SUPT3H: variants seen among roughly 807,000 people sequenced by gnomAD.
SUPT3H encodes the protein transcription initiation protein SPT3 homolog.
SUPT3H carries 44 observed loss-of-function variants against 44.3 expected under a neutral mutation model. The observed-to-expected ratio is 0.99, with a 90% CI of 0.78 to 1.28. The LOEUF (loss-of-function observed/expected upper bound fraction) is 1.28, where lower values mean the gene tolerates loss of function less well. SUPT3H is among the 50% of genes most tolerant of loss of function. The pLI is 0.00. For synonymous variants in SUPT3H, 124 were observed against 125.6 expected (o/e 0.99, Z 0.09); for missense variants, 380 against 387.1 (o/e 0.98, Z 0.15).
chr6:45,044,609 G>A (rs1023089), intron 3 of SUPT3H, among the ~76,000 whole-genome samples: 52,585 of 152,022 alleles, frequency 0.35, 10,123 homozygotes, highest in Non-Finnish European at 0.43. Context: ...TTTAATTATG[G>A]TAAAACAAAT....
intron 10 of SUPT3H, among the ~76,000 whole-genome samples, chr6:44,836,592 G>T (rs1401705556): frequency 6.6e-6 from 1 of 151,844 alleles, no homozygotes; most frequent in Non-Finnish European, 1.5e-5. Flanking sequence ...TACTAACATT[G>T]GACTTTTATA....
intron 10 of SUPT3H, among the ~76,000 whole-genome samples, chr6:44,914,660 A>G (rs1767547191): frequency 6.6e-6 from 1 of 152,222 alleles, no homozygotes; most frequent in Non-Finnish European, 1.5e-5. Flanking sequence ...TGAGGGGCCT[A>G]AAACTGATTA....
At chr6:45,077,140 C>G (rs982184616) in intron 3 of SUPT3H, among the ~76,000 whole-genome samples, 6 of 152,148 alleles carry the variant, frequency 3.9e-5, no homozygotes, top group African/African-American at 1.4e-4. Context: ...GAAGCTTTCC[C>G]TCATTCTTTT....
At chr6:45,240,302 T>C (rs985030727) in intron 2 of SUPT3H, among the ~76,000 whole-genome samples, 4 of 152,202 alleles carry the variant, frequency 2.6e-5, no homozygotes, top group African/African-American at 9.7e-5. Flanking sequence ...ACGAGTAATT[T>C]AATGATAGCT....
intron 6 of SUPT3H, among the ~76,000 whole-genome samples, chr6:44,999,012 T>C (rs954196616): frequency 7.0e-6 from 1 of 143,020 alleles, no homozygotes; most frequent in Non-Finnish European, 1.6e-5. Context: ...GGTTCATTAG[T>C]TGCCTCTGTG....
chr6:44,970,473 A>G (rs568918986), intron 6 of SUPT3H, among the ~76,000 whole-genome samples: 2 of 152,294 alleles, frequency 1.3e-5, no homozygotes, highest in East Asian at 3.9e-4. Context: ...CGGTTGGCAA[A>G]TAACATAAAA....
chr6:45,096,331 T>C (rs180905028), intron 3 of SUPT3H, among the ~76,000 whole-genome samples: 18 of 152,312 alleles, frequency 1.2e-4, no homozygotes, highest in Non-Finnish European at 5.9e-5. Flanking sequence ...GACTTTATTG[T>C]TCTAATCTGT....
At chr6:45,053,152 G>T (rs1218109539) in intron 3 of SUPT3H, among the ~76,000 whole-genome samples, 1 of 151,924 alleles carries the variant, frequency 6.6e-6, no homozygotes, top group African/African-American at 2.4e-5. Context: ...CTCCTGCCTA[G>T]GCCTTCTTAG....
rs376683212 is a variant in SUPT3H, at chr6:45,062,578, C to G, written c.187-41946G>C. Among the ~76,000 whole-genome samples, 20 of 152,166 alleles carry G rather than the reference C, an allele frequency of 1.3e-4. No individual in the cohort carries two copies. The East Asian group carries it at 2.1e-3, about 16-fold the overall frequency. The stretch of plus-strand genomic sequence containing the variant: ...GTGCATCTCACTAGGGAGTGCCAGA[C>G]AGTGGGCGCAGGCCAGTGGGTGCGC... On this transcript the variant is annotated intron_variant, in intron 3 of 10. Coordinates refer to ENST00000371459, the MANE Select transcript of SUPT3H (RefSeq NM_003599.4).
intron 2 of SUPT3H, among the ~76,000 whole-genome samples, chr6:45,221,151 C>G (rs936484068): frequency 3.3e-5 from 5 of 152,134 alleles, no homozygotes; most frequent in African/African-American, 1.2e-4. Context: ...CATGTTCTCA[C>G]TCATAGGTGG....
chr6:44,912,442 A>C, intron 10 of SUPT3H, among the ~76,000 whole-genome samples: 1 of 152,166 alleles, frequency 6.6e-6, no homozygotes, highest in South Asian at 2.1e-4. Flanking sequence ...ATAATATTTC[A>C]TTGTATGTAT....
intron 10 of SUPT3H, among the ~76,000 whole-genome samples, chr6:44,846,671 G>A (rs531165460): frequency 5.3e-5 from 8 of 151,142 alleles, no homozygotes; most frequent in South Asian, 2.1e-4. Flanking sequence ...TCCCTCTGTC[G>A]CTCAGGCTGG....
intron 1 of SUPT3H, among the ~76,000 whole-genome samples, chr6:45,376,631 T>C (rs1483525898): frequency 6.6e-6 from 1 of 152,208 alleles, no homozygotes; most frequent in Non-Finnish European, 1.5e-5. Flanking sequence ...CCGAATATCC[T>C]GAGATAAGAA....
chr6:45,289,297 G>C (rs915448693), intron 2 of SUPT3H, among the ~76,000 whole-genome samples: 5 of 151,838 alleles, frequency 3.3e-5, no homozygotes, highest in Non-Finnish European at 7.4e-5. Flanking sequence ...AAAAAGAACC[G>C]TAAGAAGAGC....
downstream of SUPT3H, among the ~76,000 whole-genome samples, chr6:44,824,532 G>T (rs555050812): frequency 6.6e-6 from 1 of 152,088 alleles, no homozygotes; most frequent in Non-Finnish European, 1.5e-5. Flanking sequence ...ACCACAGGCT[G>T]GTGCAGTTAT....
intron 6 of SUPT3H, among the ~76,000 whole-genome samples, chr6:44,985,025 C>T (rs1779586303): frequency 6.6e-6 from 1 of 151,402 alleles, no homozygotes; most frequent in Non-Finnish European, 1.5e-5. Context: ...AATTTGTGAT[C>T]ACAAAAAAGT....
At chr6:45,075,572 T>C (rs1289784310) in intron 3 of SUPT3H, among the ~76,000 whole-genome samples, 3 of 152,264 alleles carry the variant, frequency 2.0e-5, no homozygotes, top group African/African-American at 7.2e-5. Context: ...TGAAATTCCA[T>C]CTCATGATAG....
chr6:44,963,471 C>A (rs899649538), intron 6 of SUPT3H, among the ~76,000 whole-genome samples: 5 of 152,128 alleles, frequency 3.3e-5, no homozygotes, highest in African/African-American at 1.2e-4. Context: ...GCCTGGGTGA[C>A]AGAGTGAGAC....
intron 9 of SUPT3H, among the ~76,000 whole-genome samples, chr6:44,942,559 G>A (rs1283793772): frequency 6.6e-6 from 1 of 152,136 alleles, no homozygotes; most frequent in East Asian, 1.9e-4. Context: ...AATAGAAAAA[G>A]GGGGAGCCCC....
Sources: gnomAD v4.1 joint callset for allele counts (sites outside exome capture counted in the v4.1 genomes callset) on GRCh38, gnomAD v4.1.1 for gene constraint, MANE v1.5 for transcripts, NCBI Gene and HGNC (gene_info 2026-07-23, HGNC 2026-07-21) for gene names.